PDE5A: variants seen among roughly 807,000 people sequenced by gnomAD.
The protein encoded by PDE5A is phosphodiesterase 5A.
Under a neutral mutation model 110.2 loss-of-function variants are expected in PDE5A, and 67 were observed. That is an observed-to-expected ratio of 0.61 (90% CI 0.50 to 0.75). The LOEUF is 0.75. Ranked by LOEUF, PDE5A falls within the 30% of genes least tolerant of loss-of-function variation. The pLI is 0.00. For missense variants in PDE5A, 862 were observed against 1,045.1 expected, an observed-to-expected ratio of 0.82 and a Z score of 2.42; for synonymous variants, 328 against 351.2, an observed-to-expected ratio of 0.93 and a Z score of 0.74.
chr4:119,564,534 G>A (rs1252118904), intron 5 of PDE5A, among the ~76,000 whole-genome samples: 1 of 152,090 alleles, frequency 6.6e-6, no homozygotes, highest in Non-Finnish European at 1.5e-5. Context: ...AAGAAGAAAG[G>A]TTGGAGAACC....
Position 119,498,643 on chromosome 4 carries a change from C to T in PDE5A, c.2586G>A (p.Lys862=). ...KWQALAEQQE[K]MLINGESGQA... ...GGCCGCTTTCCCCATTAATCAGCATCTTCTCCTGCTGTTCTGCAAGGGCCT... is the reference window on the plus strand; with the variant it reads ...GGCCGCTTTCCCCATTAATCAGCATTTTCTCCTGCTGTTCTGCAAGGGCCT... Residue 862 remains lysine, a synonymous_variant, in exon 21 of 21, where the codon AAG becomes AAA. Transcript: ENST00000354960. The T allele has an allele frequency of 6.2e-7, 1 of 1,614,028 alleles. No homozygotes were observed. The highest frequency in any genetic ancestry group is 8.5e-7 in the Non-Finnish European group (1 of 1,179,948).
chr4:119,602,470 A>C (rs1384404772), intron 2 of PDE5A, among the ~76,000 whole-genome samples: 2 of 152,182 alleles, frequency 1.3e-5, no homozygotes, highest in African/African-American at 4.8e-5. Context: ...GACTTGACAA[A>C]TTATAAGGCT....
intron 6 of PDE5A, among the ~76,000 whole-genome samples, chr4:119,561,949 A>C (rs1727758043): frequency 6.6e-6 from 1 of 152,212 alleles, no homozygotes; most frequent in Non-Finnish European, 1.5e-5. Flanking sequence ...TTTGCCCCAA[A>C]ACATAACTTC....
chr4:119,522,821 C>T (rs1264513373), intron 12 of PDE5A, among the ~76,000 whole-genome samples: 1 of 151,814 alleles, frequency 6.6e-6, no homozygotes, highest in East Asian at 1.9e-4. Context: ...ATTTGTAAGA[C>T]AGTATTTTGT....
chr4:119,532,214 C>T (rs186098774), intron 11 of PDE5A, among the ~76,000 whole-genome samples: 150 of 152,144 alleles, frequency 9.9e-4, no homozygotes, highest in African/African-American at 3.4e-3. Context: ...TTAGACAAAA[C>T]ACATAAACCA....
intron 3 of PDE5A, among the ~76,000 whole-genome samples, chr4:119,585,110 C>T (rs1371227609): frequency 6.6e-6 from 1 of 152,000 alleles, no homozygotes; most frequent in Non-Finnish European, 1.5e-5. Flanking sequence ...CCCATCTCTA[C>T]TAAAAATACA....
chr4:119,603,965 T>C (rs550409080), intron 2 of PDE5A, among the ~76,000 whole-genome samples: 2 of 152,362 alleles, frequency 1.3e-5, no homozygotes, highest in Admixed American at 6.5e-5. Context: ...TTATGGATGG[T>C]GCTTAGTAAT....
rs1266732368 is a variant in PDE5A, at chr4:119,585,969, C to G, written c.831+10554G>C. ...CAAGAACCTCTTGAAAATGGATGAT[C>G]AAGCATAAGTCATGCAGCCCCTGCC... On this transcript the variant is annotated intron_variant, in intron 3 of 20. Transcript: ENST00000354960. Among the ~76,000 whole-genome samples, 2 of 152,136 alleles carry G rather than the reference C, an allele frequency of 1.3e-5. 1 individual carries two copies. Among genetic ancestry groups the G allele is most frequent in the Non-Finnish European group, 2.9e-5 (2 of 68,020 alleles).
intron 14 of PDE5A, among the ~76,000 whole-genome samples, chr4:119,514,298 T>A (rs542044775): frequency 6.6e-6 from 1 of 152,276 alleles, no homozygotes; most frequent in East Asian, 1.9e-4. Context: ...GGAAACTATA[T>A]TGCCACCCCA....
chr4:119,520,169 A>C (rs1022890566), intron 13 of PDE5A, among the ~76,000 whole-genome samples: 1 of 152,096 alleles, frequency 6.6e-6, no homozygotes, highest in African/African-American at 2.4e-5. Context: ...CACTTCTTTT[A>C]GATTTAGCCA....
At chr4:119,551,565 C>T (rs920053734) in intron 9 of PDE5A, among the ~76,000 whole-genome samples, 7 of 152,138 alleles carry the variant, frequency 4.6e-5, no homozygotes, top group Non-Finnish European at 8.8e-5. Flanking sequence ...GAAGGCTCAC[C>T]ATATGGTCAG....
chr4:119,616,885 T>C (rs1181361836), intron 1 of PDE5A, among the ~76,000 whole-genome samples: 1 of 152,170 alleles, frequency 6.6e-6, no homozygotes, highest in Non-Finnish European at 1.5e-5. Context: ...ACATACTATG[T>C]GCTCATATTT....
intron 13 of PDE5A, 121 bp from the exon 14 acceptor site, chr4:119,519,260 T>C (rs952428012): frequency 8.6e-6 from 6 of 700,114 alleles, no homozygotes; most frequent in African/African-American, 5.3e-5. Context: ...TACTTCTCTA[T>C]AGTCACAAAG....
chr4:119,588,987 G>A (rs1219658737), intron 3 of PDE5A, among the ~76,000 whole-genome samples: 1 of 152,132 alleles, frequency 6.6e-6, no homozygotes, highest in African/African-American at 2.4e-5. Flanking sequence ...AAGAGAGAAG[G>A]AGGAAAGAGC....
intron 2 of PDE5A, among the ~76,000 whole-genome samples, chr4:119,605,732 G>C (rs1729504464): frequency 1.5e-4 from 1 of 6,716 alleles, no homozygotes; most frequent in South Asian, 0.25. Context: ...CTTGGCATCT[G>C]TTAATGACCT....
chr4:119,525,578 G>T lies in PDE5A; in HGVS notation c.1750C>A (p.Leu584Ile). The stretch of plus-strand genomic sequence containing the variant: ...TGTTTCATCTGGAAGTTCTGCACAA[G>T]GTTGAGGTCAGTAAACATCCGAATT... Reference protein sequence around the residue: ...CTIRMFTDLNLVQNFQMKHEV... With the variant: ...CTIRMFTDLNIVQNFQMKHEV... Residue 584 changes from leucine (L) to isoleucine (I), a missense_variant, in exon 12 of 21, where the codon CTT becomes ATT. Coordinates refer to ENST00000354960, the MANE Select transcript of PDE5A (RefSeq NM_001083.4). This position sits in a 1 kb window ranked among gnomAD's most constrained non-coding sequence, Gnocchi z 4.3. 2.5e-6 allele frequency: 4 copies of T among 1,613,128 alleles called. No homozygotes were observed. The highest frequency in any genetic ancestry group is 3.4e-6 in the Non-Finnish European group (4 of 1,179,436).
chr4:119,538,433 C>T (rs1290494804), intron 11 of PDE5A, among the ~76,000 whole-genome samples: 2 of 152,080 alleles, frequency 1.3e-5, no homozygotes, highest in African/African-American at 2.4e-5. Context: ...CAAGCCATTC[C>T]AAACCAAGAC....
intron 3 of PDE5A, among the ~76,000 whole-genome samples, chr4:119,582,414 T>C (rs1369135208): frequency 6.6e-6 from 1 of 152,198 alleles, no homozygotes; most frequent in Non-Finnish European, 1.5e-5. Context: ...AGATCTGCAG[T>C]TACTTCCAAC....
rs1213973916 is a variant in PDE5A at position 119,627,298 on chromosome 4, G to T, written c.152+1222C>A. The T allele has an allele frequency of 4.5e-6, 6 of 1,332,530 alleles. No homozygotes were observed. Among genetic ancestry groups the T allele is most frequent in the South Asian group, 2.0e-5 (1 of 50,836 alleles). The allele number at this position is 1,332,530 out of a possible 1,614,324, so 82.5% of individuals were successfully genotyped here. A position where few individuals can be genotyped will look rare whatever the true frequency, so the allele number is the denominator to read the frequency against. ...GGCGACTCAGAACCAGCTCCCTCAC[G>T]GCCCCGGCCTCCGCGCCGCCGCCCG... is the stretch of plus-strand genomic sequence containing the variant. On this transcript the variant is annotated intron_variant, in intron 1 of 20. Transcript: ENST00000354960. This position sits in a 1 kb window ranked among gnomAD's most constrained non-coding sequence, Gnocchi z 4.6.
Sources: gnomAD v4.1 joint callset for allele counts (sites outside exome capture counted in the v4.1 genomes callset) on GRCh38, gnomAD v4.1.1 for gene constraint, Gnocchi (gnomAD v3.1) non-coding constraint, MANE v1.5 for transcripts, NCBI Gene and HGNC (gene_info 2026-07-23, HGNC 2026-07-21) for gene names.